ZSCAN5A: variants seen among roughly 807,000 people sequenced by gnomAD.
ZSCAN5A encodes zinc finger and SCAN domain-containing protein 5A.
A neutral mutation model predicts 23.7 loss-of-function variants in ZSCAN5A; 12 were observed. The observed-to-expected ratio is 0.51, with a 90% CI of 0.32 to 0.82. ZSCAN5A has a LOEUF of 0.82. Ranked by LOEUF, ZSCAN5A falls within the 40% of genes least tolerant of loss-of-function variation. The pLI is 0.03. For missense variants in ZSCAN5A, 597 were observed against 617.9 expected (o/e 0.97, Z 0.36); for synonymous variants, 257 against 239.9 (o/e 1.07, Z -0.66).
intron 2 of ZSCAN5A, among the ~76,000 whole-genome samples, chr19:56,329,146 T>C (rs1294266541): frequency 1.3e-5 from 2 of 152,028 alleles, no homozygotes; most frequent in East Asian, 3.9e-4. Flanking sequence ...GCCAGAAGTA[T>C]GAGACCAACC....
chr19:56,319,986 G>C, intron 2 of ZSCAN5A: 1 of 1,069,550 alleles, frequency 9.3e-7, no homozygotes, highest in Non-Finnish European at 1.5e-6. Flanking sequence ...TCATCCATTT[G>C]GACATTGATA....
chr19:56,230,926 G>A (rs992957691), intron 2 of ZSCAN5A, among the ~76,000 whole-genome samples: 4 of 152,102 alleles, frequency 2.6e-5, no homozygotes, highest in Admixed American at 2.6e-4. Flanking sequence ...ATCTCATGTC[G>A]TTTATTGAAC....
rs764198709 is a variant in ZSCAN5A, at chr19:56,221,942, T to G, written c.1124A>C (p.Lys375Thr). ...GAGTCTCTCGCCTGTGTGTGATCTC[T>G]TGTGGATGACTAGCTTGGAATTACA... ...FTCNSKLVIH[K>T]RSHTGERLFQ... The change falls in exon 6 of 6, where the codon AAG (lysine) becomes ACG (threonine). Residue 375 changes from lysine (K) to threonine (T), a missense_variant. Around this residue, in one of 5 missense-constraint regions of ZSCAN5A, gnomAD observed 406 missense variants for 353.2 expected, o/e 1.15. Coordinates refer to ENST00000683990, the MANE Select transcript of ZSCAN5A (RefSeq NM_001322064.3). 2.5e-6 allele frequency: 4 copies of G among 1,614,104 alleles called. No homozygotes were observed. The highest frequency in any genetic ancestry group is 2.2e-5 in the East Asian group (1 of 44,856).
intron 2 of ZSCAN5A, chr19:56,301,835 G>A: frequency 9.2e-7 from 1 of 1,084,770 alleles, no homozygotes; most frequent in Non-Finnish European, 1.2e-6. Flanking sequence ...GGTGGGTGTG[G>A]ACCAAAATTT....
intron 2 of ZSCAN5A, chr19:56,228,265 T>G: frequency 1.0e-6 from 1 of 985,292 alleles, no homozygotes; most frequent in Non-Finnish European, 1.2e-6. Flanking sequence ...CTTCCCGGCT[T>G]CTGCCTCCGA....
intron 2 of ZSCAN5A, among the ~76,000 whole-genome samples, chr19:56,281,906 G>A (rs895188484): frequency 2.0e-5 from 3 of 152,196 alleles, no homozygotes; most frequent in Non-Finnish European, 4.4e-5. Flanking sequence ...ACTTTGAGGA[G>A]GCCAACAAGC....
chr19:56,286,399 A>G (rs1389210345), intron 2 of ZSCAN5A: 1 of 152,164 alleles, frequency 6.6e-6, no homozygotes, highest in Non-Finnish European at 1.5e-5. Flanking sequence ...GAACCCCAAC[A>G]GGTGTTCTTG....
chr19:56,356,846 C>T (rs1449446202), intron 2 of ZSCAN5A, among the ~76,000 whole-genome samples: 1 of 148,440 alleles, frequency 6.7e-6, no homozygotes, highest in Non-Finnish European at 1.5e-5. Flanking sequence ...TACTCCTTTA[C>T]TGCTTCTCAG....
intron 2 of ZSCAN5A, among the ~76,000 whole-genome samples, chr19:56,293,556 T>C (rs1451940272): frequency 6.6e-6 from 1 of 152,330 alleles, no homozygotes; most frequent in East Asian, 1.9e-4. Context: ...ACTGCACCAC[T>C]TTCTAGTTCC....
At chr19:56,337,701 G>A (rs2041553542) in intron 2 of ZSCAN5A, among the ~76,000 whole-genome samples, 1 of 152,194 alleles carries the variant, frequency 6.6e-6, no homozygotes, top group South Asian at 2.1e-4. Context: ...CTGTAGACTG[G>A]AGCTGTTCCT....
At chr19:56,311,182 G>A (rs2041013289) in intron 2 of ZSCAN5A, among the ~76,000 whole-genome samples, 1 of 151,990 alleles carries the variant, frequency 6.6e-6, no homozygotes, top group South Asian at 2.1e-4. Context: ...TGCTTGCAAA[G>A]CTATTTAAGC....
chr19:56,259,629 G>T (rs926904430), intron 2 of ZSCAN5A, among the ~76,000 whole-genome samples: 1 of 152,230 alleles, frequency 6.6e-6, no homozygotes, highest in Non-Finnish European at 1.5e-5. Flanking sequence ...GATTTTAAGG[G>T]AGTTTCATAC....
chr19:56,241,363 C>A (rs986956450), intron 2 of ZSCAN5A, among the ~76,000 whole-genome samples: 2 of 152,160 alleles, frequency 1.3e-5, no homozygotes, highest in Non-Finnish European at 2.9e-5. Context: ...CAGCAGCAGG[C>A]GCCCTTGCAG....
At chr19:56,343,688 T>G (rs2041611455) in intron 2 of ZSCAN5A, among the ~76,000 whole-genome samples, 1 of 152,252 alleles carries the variant, frequency 6.6e-6, no homozygotes, top group Non-Finnish European at 1.5e-5. Context: ...ACTCACTGCC[T>G]GACTTCCACA....
chr19:56,305,650 G>C (rs558303222), intron 2 of ZSCAN5A, among the ~76,000 whole-genome samples: 1 of 152,274 alleles, frequency 6.6e-6, no homozygotes, highest in Admixed American at 6.5e-5. Flanking sequence ...GATGCATCCT[G>C]GATGCAGTAG....
chr19:56,277,879 C>T (rs2038382701), intron 2 of ZSCAN5A, among the ~76,000 whole-genome samples: 1 of 152,100 alleles, frequency 6.6e-6, no homozygotes, highest in Admixed American at 6.6e-5. Flanking sequence ...CACCAAAAAC[C>T]ACTTGTACCC....
chr19:56,308,275 GC>G (rs1433106657), intron 2 of ZSCAN5A, among the ~76,000 whole-genome samples: 2 of 151,278 alleles, frequency 1.3e-5, no homozygotes, highest in Admixed American at 1.3e-4. Flanking sequence ...CTTGTGATCC[GC>G]CCGCCTCGGC....
rs757576329 is a variant in ZSCAN5A at position 56,351,007 on chromosome 19, C to A, written c.-358+12228G>T. Reference sequence around the variant, plus strand: ...CAATTGCTGTCCCCCCCCAACCACACGCCCCTTTTCAGCAGACAGTACCCA... The same window carrying A: ...CAATTGCTGTCCCCCCCCAACCACAAGCCCCTTTTCAGCAGACAGTACCCA... On this transcript the variant is annotated intron_variant, in intron 2 of 6. Transcript: ENST00000587340. The surrounding 1 kb of genome is among the most constrained non-coding windows in gnomAD (Gnocchi z 4.8). Among the ~76,000 whole-genome samples, 1 of 151,940 alleles carries A rather than the reference C, an allele frequency of 6.6e-6. No individual in the cohort carries two copies. Among genetic ancestry groups the A allele is most frequent in the Non-Finnish European group, 1.5e-5 (1 of 68,002 alleles).
At chr19:56,304,872 T>G (rs1600244371) in intron 2 of ZSCAN5A, 2 of 894,640 alleles carry the variant, frequency 2.2e-6, no homozygotes, top group Non-Finnish European at 2.7e-6. Context: ...ACCGCTGGGG[T>G]GGGGTTAGGG....
Sources: allele counts gnomAD v4.1 joint callset (sites outside exome capture counted in the v4.1 genomes callset), GRCh38; gene constraint gnomAD v4.1.1; regional missense constraint gnomAD v4.1.1; non-coding constraint Gnocchi (gnomAD v3.1); transcripts MANE v1.5; gene names NCBI Gene and HGNC (gene_info 2026-07-23, HGNC 2026-07-21).